GPATCH8: variants seen among roughly 807,000 people sequenced by gnomAD.
GPATCH8 encodes G-patch domain containing 8.
A neutral mutation model predicts 118.3 loss-of-function variants in GPATCH8; 18 were observed. The ratio of observed to expected loss-of-function variants is 0.15; its 90% CI spans 0.11 to 0.23. The LOEUF is 0.23. Among genes scored for constraint, GPATCH8 ranks in the 10% least tolerant of loss-of-function variants. GPATCH8 has a pLI of 1.00. For synonymous variants in GPATCH8, 659 were observed against 684.7 expected (o/e 0.96, Z 0.59); for missense variants, 1,631 against 1,873.8 (o/e 0.87, Z 2.39).
chr17:44,415,253 T>A (rs1049744270), intron 6 of GPATCH8, among the ~76,000 whole-genome samples: 2 of 152,214 alleles, frequency 1.3e-5, no homozygotes, highest in Non-Finnish European at 2.9e-5. Context: ...CCAGTGGGTA[T>A]GAAATGGTAT....
intron 3 of GPATCH8, among the ~76,000 whole-genome samples, chr17:44,454,202 G>A (rs1200248859): frequency 1.3e-5 from 2 of 151,996 alleles, no homozygotes; most frequent in Non-Finnish European, 2.9e-5. Context: ...GGAGTGCAGT[G>A]GCACAATCAT....
intron 5 of GPATCH8, among the ~76,000 whole-genome samples, chr17:44,428,659 T>C (rs2050177965): frequency 6.6e-6 from 1 of 151,218 alleles, no homozygotes; most frequent in Non-Finnish European, 1.5e-5. Flanking sequence ...AAAAATTAGC[T>C]GGGTGTGGTG....
At chr17:44,449,353 G>A (rs1598519896) in intron 3 of GPATCH8, among the ~76,000 whole-genome samples, 1 of 151,952 alleles carries the variant, frequency 6.6e-6, no homozygotes, top group Admixed American at 6.6e-5. Flanking sequence ...GGTCAGAATC[G>A]ACATTAAATT....
At chr17:44,420,190 A>T (rs2049845968) in intron 6 of GPATCH8, among the ~76,000 whole-genome samples, 1 of 152,178 alleles carries the variant, frequency 6.6e-6, no homozygotes, top group Non-Finnish European at 1.5e-5. Context: ...TGAGTTCTCC[A>T]TGGGTAACCC....
intron 2 of GPATCH8, among the ~76,000 whole-genome samples, chr17:44,466,106 C>T (rs1047036899): frequency 6.6e-6 from 1 of 152,058 alleles, no homozygotes. Flanking sequence ...CAGCCTTGAC[C>T]TCCTGGGCTC....
At chr17:44,432,516 T>C (rs1175690990) in intron 5 of GPATCH8, among the ~76,000 whole-genome samples, 5 of 152,056 alleles carry the variant, frequency 3.3e-5, no homozygotes, top group Admixed American at 3.3e-4. Flanking sequence ...AGAAAGGGTA[T>C]AGAAATAAAG....
intron 3 of GPATCH8, among the ~76,000 whole-genome samples, chr17:44,444,628 C>T (rs1277786476): frequency 6.6e-6 from 1 of 152,106 alleles, no homozygotes; most frequent in Non-Finnish European, 1.5e-5. Flanking sequence ...CAAAAATTAG[C>T]TGGGCGTGGT....
intron 6 of GPATCH8, among the ~76,000 whole-genome samples, chr17:44,422,721 G>A (rs1048237818): frequency 6.6e-6 from 1 of 151,186 alleles, no homozygotes; most frequent in African/African-American, 2.4e-5. Flanking sequence ...CTCGTGATCC[G>A]CCCGCCTCGG....
rs866653249 is a variant in GPATCH8, at chr17:44,401,140, C to A, written c.937G>T (p.Glu313Ter). ...SFAKKAPVKL[E>*]SIASVFKDHA... ...TCCTTGAAAACTGATGCTATTGATT[C>A]GAGTTTGACAGGAGCCTTTTTGGCA... is the stretch of plus-strand genomic sequence containing the variant. The change falls in exon 8 of 8, where the codon GAA (glutamate) becomes TAA (stop). Residue 313 changes from glutamate (E) to a stop codon, truncating the protein, a stop_gained. Coordinates refer to ENST00000591680, the MANE Select transcript of GPATCH8 (RefSeq NM_001002909.4). LOFTEE classifies it high-confidence loss of function. 1 of 1,614,080 alleles carries A rather than the reference C, an allele frequency of 6.2e-7. No individual in the cohort carries two copies. Among genetic ancestry groups the A allele is most frequent in the Non-Finnish European group, 8.5e-7 (1 of 1,179,986 alleles).
chr17:44,474,181 G>A (rs4792944), intron 2 of GPATCH8, among the ~76,000 whole-genome samples: 91,766 of 151,974 alleles, frequency 0.6, 27,897 homozygotes, highest in Middle Eastern at 0.67. Flanking sequence ...GTTTTTCAAA[G>A]TGAAAATAAT....
intron 2 of GPATCH8, among the ~76,000 whole-genome samples, chr17:44,472,147 G>T (rs918505400): frequency 6.6e-6 from 1 of 151,892 alleles, no homozygotes; most frequent in Non-Finnish European, 1.5e-5. Context: ...CATTAGAAGT[G>T]TAATTACTAA....
chr17:44,398,265 G>A lies in GPATCH8; in HGVS notation c.3812C>T (p.Pro1271Leu), dbSNP rs1261105438. 1.2e-6 allele frequency: 2 copies of A among 1,613,488 alleles called. No homozygotes were observed. Among genetic ancestry groups the A allele is most frequent in the East Asian group, 2.2e-5 (1 of 44,880 alleles). ...GAAATGCTCAAGGTCTGGTGCTATA[G>A]GCAGCAAGCTGGACTCCACAGGGCC... ...QPGPVESSLLPIAPDLEHFPS... is the reference protein window; with the variant it reads ...QPGPVESSLLLIAPDLEHFPS... The change falls in exon 8 of 8, where the codon CCT becomes CTT. Residue 1271 changes from proline to leucine, a missense_variant. Physicochemically the swap from Pro to Leu is moderately conservative, Grantham distance 98. This residue lies in a region of GPATCH8 where 922 missense variants were observed against 879.7 expected (regional missense o/e 1.05). Coordinates refer to ENST00000591680, the MANE Select transcript of GPATCH8 (RefSeq NM_001002909.4).
chr17:44,418,853 T>TA (rs969962262), intron 6 of GPATCH8, among the ~76,000 whole-genome samples: 1 of 152,232 alleles, frequency 6.6e-6, no homozygotes, highest in Non-Finnish European at 1.5e-5. Flanking sequence ...GGCCTACTCT[T>TA]AGAGATTTCA....
chr17:44,503,354 G>T lies in GPATCH8; in HGVS notation c.17C>A (p.Ser6Tyr). The T allele has an allele frequency of 6.2e-7, 1 of 1,610,804 alleles. No individual in the cohort carries two copies. Among genetic ancestry groups the T allele is most frequent in the Non-Finnish European group, 8.5e-7 (1 of 1,178,738 alleles). ...AAAGTCTCGGTCTTCGTTGAAGCGG[G>T]AGAAGCGGTCCGCCATTTTGCCGCC... is the stretch of plus-strand genomic sequence containing the variant. Reference protein sequence around the residue: MADRFSRFNEDRDFQG... With the variant: MADRFYRFNEDRDFQG... The change falls in exon 1 of 8, where the codon TCC becomes TAC. Residue 6 changes from serine to tyrosine, a missense_variant. Transcript: ENST00000591680.
At chr17:44,487,449 A>G (rs1968872111) in intron 1 of GPATCH8, among the ~76,000 whole-genome samples, 1 of 152,240 alleles carries the variant, frequency 6.6e-6, no homozygotes, top group African/African-American at 2.4e-5. Flanking sequence ...TTACAAATAA[A>G]GAATGCTATA....
intron 1 of GPATCH8, among the ~76,000 whole-genome samples, chr17:44,479,431 A>G (rs554382169): frequency 2.0e-5 from 3 of 152,336 alleles, no homozygotes; most frequent in South Asian, 4.1e-4. Context: ...TAATATAGAC[A>G]GTTCAACAGA....
At chr17:44,501,234 C>T (rs1004867056) in intron 1 of GPATCH8, among the ~76,000 whole-genome samples, 1 of 151,864 alleles carries the variant, frequency 6.6e-6, no homozygotes, top group East Asian at 1.9e-4. Flanking sequence ...CTGGCCAATA[C>T]GGTGAAACCC....
intron 1 of GPATCH8, among the ~76,000 whole-genome samples, chr17:44,487,463 A>G (rs1968874052): frequency 2.0e-5 from 3 of 152,228 alleles, no homozygotes; most frequent in Admixed American, 2.0e-4. Flanking sequence ...TGCTATAAAC[A>G]TCCATGTTTT....
intron 1 of GPATCH8, among the ~76,000 whole-genome samples, chr17:44,485,427 G>A (rs1271313028): frequency 2.0e-5 from 3 of 152,006 alleles, no homozygotes; most frequent in Non-Finnish European, 4.4e-5. Context: ...ACTAATGTTT[G>A]ATTTTCTGTT....
Sources: gnomAD v4.1 joint callset for allele counts (sites outside exome capture counted in the v4.1 genomes callset) on GRCh38, gnomAD v4.1.1 for gene constraint, gnomAD v4.1.1 regional missense constraint, MANE v1.5 for transcripts, NCBI Gene and HGNC (gene_info 2026-07-23, HGNC 2026-07-21) for gene names.